Variants in SPAG16 observed in about 807,000 individuals in gnomAD.
SPAG16 encodes the protein sperm associated antigen 16, also known as sperm-associated antigen 16 protein.
In SPAG16, 86 loss-of-function variants were observed where a neutral mutation model predicts 80.4. The ratio of observed to expected loss-of-function variants is 1.07; its 90% CI spans 0.90 to 1.28. The LOEUF (loss-of-function observed/expected upper bound fraction) is 1.28. Among genes scored for constraint, SPAG16 ranks in the 50% most tolerant of loss-of-function variants. SPAG16 has a pLI of 0.00. For missense variants in SPAG16, 870 were observed against 765.3 expected, an observed-to-expected ratio of 1.14 and a Z score of -1.61; for synonymous variants, 294 against 265.9, an observed-to-expected ratio of 1.11 and a Z score of -1.03.
rs370717044 is a variant in SPAG16, at chr2:213,704,953, GA to G, written c.1071-157522del. 4.5e-3 allele frequency among the ~76,000 whole-genome samples: 676 copies of G among 150,228 alleles called. 8 individuals are homozygous for G. Among genetic ancestry groups the G allele is most frequent in the African/African-American group, 0.015 (630 of 41,034 alleles). ...ACTACGGTAGTGGCAACAGGAATTA[GA>G]AAAAAAAAATTAAATAGGCTAGGCG... On this transcript the variant is annotated intron_variant, in intron 10 of 15. Transcript: ENST00000331683.
chr2:213,377,676 C>A (rs12472422), intron 9 of SPAG16, among the ~76,000 whole-genome samples: 1 of 151,924 alleles, frequency 6.6e-6, no homozygotes, highest in African/African-American at 2.4e-5. Flanking sequence ...CTTACTTTTT[C>A]CCTTACTTTT....
At chr2:213,654,822 T>C (rs1429675605) in intron 10 of SPAG16, among the ~76,000 whole-genome samples, 1 of 152,030 alleles carries the variant, frequency 6.6e-6, no homozygotes, top group Non-Finnish European at 1.5e-5. Context: ...TTATATTAAA[T>C]GTCAATGGAG....
chr2:213,784,890 A>G (rs2070240617), intron 10 of SPAG16, among the ~76,000 whole-genome samples: 1 of 152,008 alleles, frequency 6.6e-6, no homozygotes, highest in African/African-American at 2.4e-5. Flanking sequence ...TATTAAGATT[A>G]TTTGTAATTA....
chr2:214,097,623 A>T (rs2052682889), intron 13 of SPAG16, among the ~76,000 whole-genome samples: 1 of 151,920 alleles, frequency 6.6e-6, no homozygotes, highest in South Asian at 2.1e-4. Flanking sequence ...GTGGTTAGGA[A>T]AGGACAGCTG....
At chr2:214,161,520 T>C (rs751889014) in intron 15 of SPAG16, among the ~76,000 whole-genome samples, 1 of 152,160 alleles carries the variant, frequency 6.6e-6, no homozygotes, top group Non-Finnish European at 1.5e-5. Context: ...TGGTATGTCA[T>C]TGTGGTTTTG....
rs2054207107 is a variant in SPAG16, at chr2:214,121,267, A to G, written c.1593+13006A>G. Reference sequence around the variant, plus strand: ...CAAATATAAGCACAAGGCTTTCATTATAGCATTGTATCATTAGATCTTATT... The same window carrying G: ...CAAATATAAGCACAAGGCTTTCATTGTAGCATTGTATCATTAGATCTTATT... On this transcript the variant is annotated intron_variant, in intron 14 of 15. Transcript: ENST00000331683. Among the ~76,000 whole-genome samples the G allele has an allele frequency of 1.3e-5, 2 of 151,902 alleles. 1 individual carries two copies. The highest frequency in any genetic ancestry group is 3.8e-4 in the East Asian group (2 of 5,204).
intron 9 of SPAG16, among the ~76,000 whole-genome samples, chr2:213,380,125 A>G (rs1410523478): frequency 6.6e-6 from 1 of 152,050 alleles, no homozygotes; most frequent in Non-Finnish European, 1.5e-5. Flanking sequence ...CAGCCAAACC[A>G]TTGGCTGCAG....
chr2:213,927,607 TG>T (rs2078542848), intron 11 of SPAG16, among the ~76,000 whole-genome samples: 2 of 152,334 alleles, frequency 1.3e-5, no homozygotes, highest in South Asian at 4.1e-4. Flanking sequence ...TAAAAACTTA[TG>T]GGAATATTGT....
chr2:214,272,834 A>G (rs1692135808), intron 15 of SPAG16, among the ~76,000 whole-genome samples: 1 of 147,638 alleles, frequency 6.8e-6, no homozygotes, highest in African/African-American at 2.4e-5. Context: ...GTCAAATGGT[A>G]TTTCTAGTTC....
intron 9 of SPAG16, among the ~76,000 whole-genome samples, chr2:213,484,290 T>G (rs984927182): frequency 6.6e-6 from 1 of 152,208 alleles, no homozygotes; most frequent in Non-Finnish European, 1.5e-5. Context: ...CCCTACAGTC[T>G]AAAGCCCAAG....
At chr2:214,396,508 A>C (rs1701390845) in intron 15 of SPAG16, among the ~76,000 whole-genome samples, 1 of 152,118 alleles carries the variant, frequency 6.6e-6, no homozygotes, top group South Asian at 2.1e-4. Context: ...TTTTCCAAGC[A>C]TACATAAAAG....
intron 15 of SPAG16, among the ~76,000 whole-genome samples, chr2:214,157,929 A>G (rs965263051): frequency 9.2e-5 from 14 of 151,764 alleles, no homozygotes; most frequent in Middle Eastern, 3.4e-3. Flanking sequence ...AAGGTTCCCC[A>G]ATACCCACAA....
At chr2:213,958,794 T>C (rs2044273374) in intron 12 of SPAG16, among the ~76,000 whole-genome samples, 1 of 152,198 alleles carries the variant, frequency 6.6e-6, no homozygotes, top group Non-Finnish European at 1.5e-5. Context: ...AATTATAAAC[T>C]ATTGCTACTA....
chr2:214,059,334 T>C (rs1460978559), intron 13 of SPAG16, among the ~76,000 whole-genome samples: 1 of 149,736 alleles, frequency 6.7e-6, no homozygotes, highest in Non-Finnish European at 1.5e-5. Flanking sequence ...GTCTTTTTTT[T>C]CAGTTAGTGG....
At chr2:213,478,514 T>C (rs1365007239) in intron 9 of SPAG16, among the ~76,000 whole-genome samples, 1 of 152,196 alleles carries the variant, frequency 6.6e-6, no homozygotes, top group Non-Finnish European at 1.5e-5. Flanking sequence ...TTGTGGCCTG[T>C]TAACATGAAT....
At chr2:213,449,426 C>A (rs2071551981) in intron 9 of SPAG16, among the ~76,000 whole-genome samples, 1 of 152,144 alleles carries the variant, frequency 6.6e-6, no homozygotes, top group Non-Finnish European at 1.5e-5. Flanking sequence ...TTTGTACCTA[C>A]CCTCTGTTCT....
intron 15 of SPAG16, among the ~76,000 whole-genome samples, chr2:214,303,908 G>A (rs2125961352): frequency 6.6e-6 from 1 of 152,152 alleles, no homozygotes; most frequent in Non-Finnish European, 1.5e-5. Context: ...TTGTTACACA[G>A]GTAAACTTGT....
rs77463759 is a variant in SPAG16, at chr2:213,794,867, A to T, written c.1071-67618A>T. 6.5e-3 allele frequency among the ~76,000 whole-genome samples: 989 copies of T among 152,264 alleles called. 10 individuals carry two copies. Among genetic ancestry groups the T allele is most frequent in the African/African-American group, 0.021 (889 of 41,572 alleles). Reference sequence around the variant, plus strand: ...AGAACACAGATCTGTCTTAAATTTCATGCTCTGATTTTCCTGAAATTAATA... The same window carrying T: ...AGAACACAGATCTGTCTTAAATTTCTTGCTCTGATTTTCCTGAAATTAATA... On this transcript the variant is annotated intron_variant, in intron 10 of 15. Coordinates refer to ENST00000331683, the MANE Select transcript of SPAG16 (RefSeq NM_024532.5).
chr2:213,441,509 G>A (rs946188045), intron 9 of SPAG16, among the ~76,000 whole-genome samples: 2 of 152,220 alleles, frequency 1.3e-5, no homozygotes, highest in African/African-American at 2.4e-5. Context: ...GGAATCAGGA[G>A]TTGGACTTAC....
Sources: allele counts gnomAD v4.1 joint callset (sites outside exome capture counted in the v4.1 genomes callset), GRCh38; gene constraint gnomAD v4.1.1; transcripts MANE v1.5; gene names NCBI Gene and HGNC (gene_info 2026-07-23, HGNC 2026-07-21).